ZHX2: variants seen among roughly 807,000 people sequenced by gnomAD.
The protein encoded by ZHX2 is zinc fingers and homeoboxes protein 2.
Under a neutral mutation model 21.9 loss-of-function variants are expected in ZHX2, and 6 were observed. The observed-to-expected ratio is 0.27, with a 90% CI of 0.15 to 0.54. The LOEUF is 0.54. Among genes scored for constraint, ZHX2 ranks in the 20% least tolerant of loss-of-function variants. The pLI is 0.95. For missense variants in ZHX2, 908 were observed against 1,090.7 expected (o/e 0.83, Z 2.36); for synonymous variants, 434 against 437.1 (o/e 0.99, Z 0.09).
At chr8:122,932,501 A>T (rs1010325896) in intron 2 of ZHX2, among the ~76,000 whole-genome samples, 9 of 151,996 alleles carry the variant, frequency 5.9e-5, no homozygotes, top group Non-Finnish European at 1.2e-4. Flanking sequence ...TTCCATAATC[A>T]CATTGCCTTC....
At chr8:122,872,789 G>A (rs1414450235) in intron 2 of ZHX2, among the ~76,000 whole-genome samples, 1 of 152,178 alleles carries the variant, frequency 6.6e-6, no homozygotes, top group Non-Finnish European at 1.5e-5. Flanking sequence ...AGCTGGCCTG[G>A]CTTTGCGCCC....
rs1813115814 is a variant in ZHX2, at chr8:122,951,688, G to T, written c.178G>T (p.Val60Leu). 1 of 1,614,080 alleles carries T rather than the reference G, an allele frequency of 6.2e-7. No individual in the cohort carries two copies. The highest frequency in any genetic ancestry group is 2.2e-5 in the East Asian group (1 of 44,868). The change falls in exon 3 of 4, where the codon GTG becomes TTG. Residue 60 changes from valine to leucine, a missense_variant. Physicochemically the swap from Val to Leu is conservative, Grantham distance 32. Around this residue, in one of 4 missense-constraint regions of ZHX2, gnomAD observed 220 missense variants for 251.4 expected, o/e 0.88. Transcript: ENST00000314393. ...ELENSSKENE[V>L]IEVKSMGESQ... ...TGAAAACTCTTCCAAAGAAAACGAA[G>T]TGATAGAGGTGAAATCTATGGGGGA...
chr8:122,815,234 G>A (rs183738660), intron 1 of ZHX2, among the ~76,000 whole-genome samples: 18 of 152,334 alleles, frequency 1.2e-4, no homozygotes, highest in East Asian at 1.2e-3. Context: ...CGGCTTCTCC[G>A]TTAGGTACAA....
chr8:122,805,445 G>A (rs1817803478), intron 1 of ZHX2, among the ~76,000 whole-genome samples: 1 of 152,158 alleles, frequency 6.6e-6, no homozygotes, highest in Non-Finnish European at 1.5e-5. Flanking sequence ...GGAAACACAG[G>A]TACCGACAGT....
intron 1 of ZHX2, among the ~76,000 whole-genome samples, chr8:122,786,903 A>G (rs1040416927): frequency 6.6e-6 from 1 of 152,158 alleles, no homozygotes; most frequent in African/African-American, 2.4e-5. Flanking sequence ...TAAGGTAGAC[A>G]TTATTTTCTG....
At chr8:122,936,785 G>A (rs185145032) in intron 2 of ZHX2, among the ~76,000 whole-genome samples, 42 of 152,270 alleles carry the variant, frequency 2.8e-4, no homozygotes, top group East Asian at 1.7e-3. Flanking sequence ...GCTCTCCTCC[G>A]TCGTGGCGAG....
At chr8:122,878,433 G>T (rs1475142150) in intron 2 of ZHX2, among the ~76,000 whole-genome samples, 1 of 152,162 alleles carries the variant, frequency 6.6e-6, no homozygotes, top group Non-Finnish European at 1.5e-5. Flanking sequence ...ATCTTAGGGG[G>T]TTTTCTGGAT....
At chr8:122,938,379 T>G (rs912947884) in intron 2 of ZHX2, among the ~76,000 whole-genome samples, 1 of 152,108 alleles carries the variant, frequency 6.6e-6, no homozygotes, top group African/African-American at 2.4e-5. Context: ...AGTCTGGGGC[T>G]CTGGAGTGGA....
chr8:122,884,566 C>A (rs1035156842), intron 2 of ZHX2, among the ~76,000 whole-genome samples: 2 of 152,214 alleles, frequency 1.3e-5, no homozygotes, highest in African/African-American at 2.4e-5. Flanking sequence ...ATTCAGGAGC[C>A]AGAGCTCTTG....
chr8:122,968,044 G>A lies in ZHX2; in HGVS notation c.*5-5198G>A, dbSNP rs536445377. Among the ~76,000 whole-genome samples the A allele has an allele frequency of 3.0e-4, 45 of 152,090 alleles. 1 individual carries two copies. Among genetic ancestry groups the A allele is most frequent in the East Asian group, 2.7e-3 (14 of 5,172 alleles). Reference sequence around the variant, plus strand: ...CTTTATTTAGGGCTGATGAGAAGGCGGTGCAGAAAGGTAGCTCGTGCAAGT... The same window carrying A: ...CTTTATTTAGGGCTGATGAGAAGGCAGTGCAGAAAGGTAGCTCGTGCAAGT... On this transcript the variant is annotated intron_variant, in intron 3 of 3. Coordinates refer to ENST00000314393, the MANE Select transcript of ZHX2 (RefSeq NM_014943.5).
chr8:122,791,345 C>A (rs973002624), intron 1 of ZHX2, among the ~76,000 whole-genome samples: 2 of 152,154 alleles, frequency 1.3e-5, no homozygotes, highest in Non-Finnish European at 2.9e-5. Context: ...AGAGTTTCAC[C>A]CACGTCAGGC....
chr8:122,916,234 A>G (rs1478154760), intron 2 of ZHX2, among the ~76,000 whole-genome samples: 29 of 152,204 alleles, frequency 1.9e-4, no homozygotes, highest in Non-Finnish European at 8.8e-5. Flanking sequence ...CAACGAGGCG[A>G]GAACAAGAAG....
At chr8:122,930,644 G>GTTTT in intron 2 of ZHX2, among the ~76,000 whole-genome samples, 1 of 141,648 alleles carries the variant, frequency 7.1e-6, no homozygotes, top group South Asian at 2.3e-4. Context: ...GCTAATTTTT[G>GTTTT]TTTTTTTTTT....
intron 2 of ZHX2, among the ~76,000 whole-genome samples, chr8:122,948,058 C>G (rs1813021617): frequency 2.6e-5 from 4 of 152,178 alleles, no homozygotes; most frequent in African/African-American, 9.6e-5. Context: ...CATGCCAGTG[C>G]TTTCATCTTC....
intron 1 of ZHX2, among the ~76,000 whole-genome samples, chr8:122,847,284 T>G (rs1001430990): frequency 1.3e-5 from 2 of 152,188 alleles, no homozygotes; most frequent in African/African-American, 4.8e-5. Flanking sequence ...CCGTCAAGTC[T>G]GCCTCCCCAC....
intron 1 of ZHX2, among the ~76,000 whole-genome samples, chr8:122,811,201 G>A (rs964762673): frequency 1.3e-5 from 2 of 151,922 alleles, no homozygotes; most frequent in Non-Finnish European, 1.5e-5. Flanking sequence ...GCAACATGGC[G>A]AAACCCTATC....
At chr8:122,906,286 T>G (rs967349826) in intron 2 of ZHX2, among the ~76,000 whole-genome samples, 3 of 152,226 alleles carry the variant, frequency 2.0e-5, no homozygotes, top group Non-Finnish European at 2.9e-5. Context: ...TTATGAGAGT[T>G]TACATCTCAA....
chr8:122,942,250 A>C (rs920729525), intron 2 of ZHX2, among the ~76,000 whole-genome samples: 1 of 152,048 alleles, frequency 6.6e-6, no homozygotes, highest in Admixed American at 6.5e-5. Context: ...TAAAACACAA[A>C]GGAGCAATTC....
chr8:122,840,437 C>A (rs1818599218), intron 1 of ZHX2, among the ~76,000 whole-genome samples: 1 of 152,122 alleles, frequency 6.6e-6, no homozygotes, highest in African/African-American at 2.4e-5. Flanking sequence ...TGCCCAACTG[C>A]AAAATGGGAA....
Sources: gnomAD v4.1 joint callset for allele counts (sites outside exome capture counted in the v4.1 genomes callset) on GRCh38, gnomAD v4.1.1 for gene constraint, gnomAD v4.1.1 regional missense constraint, MANE v1.5 for transcripts, NCBI Gene and HGNC (gene_info 2026-07-23, HGNC 2026-07-21) for gene names.